IPO8: variants seen among roughly 807,000 people sequenced by gnomAD.
The protein encoded by IPO8 is importin-8.
Under a neutral mutation model 141.2 loss-of-function variants are expected in IPO8, and 65 were observed. The observed-to-expected ratio is 0.46, with a 90% CI of 0.38 to 0.57. IPO8 has a LOEUF of 0.57. IPO8 is among the 20% of genes least tolerant of loss of function. The pLI, the probability that IPO8 is intolerant of heterozygous loss-of-function variation, is 0.00. For synonymous variants in IPO8, 411 were observed against 420.3 expected, an observed-to-expected ratio of 0.98 and a Z score of 0.27; for missense variants, 980 against 1,246.8, an observed-to-expected ratio of 0.79 and a Z score of 3.22.
At chr12:30,631,806 A>G in intron 24 of IPO8, 89 bp downstream of exon 24, 2 of 735,660 alleles carry the variant, frequency 2.7e-6, no homozygotes, top group Non-Finnish European at 4.7e-6. Flanking sequence ...TTTCAAAAAC[A>G]GTGTTTAGGT....
intron 22 of IPO8, among the ~76,000 whole-genome samples, chr12:30,634,679 T>C (rs2052477688): frequency 1.3e-5 from 2 of 152,160 alleles, no homozygotes; most frequent in South Asian, 4.1e-4. Context: ...GGTCAGTGCA[T>C]GTGTTTTAAA....
At chr12:30,631,367 G>A (rs944664716) in intron 24 of IPO8, among the ~76,000 whole-genome samples, 2 of 152,090 alleles carry the variant, frequency 1.3e-5, no homozygotes, top group Admixed American at 1.3e-4. Flanking sequence ...AAATTTTTTT[G>A]TAACTACAAA....
chr12:30,686,385 T>G (rs2053242774), intron 2 of IPO8: 1 of 152,284 alleles, frequency 6.6e-6, no homozygotes, highest in Non-Finnish European at 1.5e-5. Context: ...TCTCACTCTA[T>G]CGCCCAGGCT....
In IPO8 at chr12:30,656,752, T is replaced by A; in HGVS notation, c.1882-2A>T. ...GATATTCTCTAACTGCTGGGTAATC[T>A]AAAGATAAATGTTAAATATTAAGCT... On this transcript the variant is annotated splice_acceptor_variant, in intron 16 of 24. Coordinates refer to ENST00000256079, the MANE Select transcript of IPO8 (RefSeq NM_006390.4). LOFTEE classifies it high-confidence loss of function. 1 of 1,437,964 alleles carries A rather than the reference T, an allele frequency of 7.0e-7. No homozygotes were observed. The highest frequency in any genetic ancestry group is 9.5e-7 in the Non-Finnish European group (1 of 1,047,372). 89.1% of individuals were successfully genotyped at this position (1,437,964 alleles called of 1,614,324 possible).
intron 13 of IPO8, among the ~76,000 whole-genome samples, chr12:30,664,825 C>T (rs143755287): frequency 0.059 from 8,967 of 152,162 alleles, 350 homozygotes; most frequent in Middle Eastern, 0.12. Context: ...CCGCAACCTC[C>T]GCCTCCCGGG....
intron 22 of IPO8, 99 bp downstream of exon 22, chr12:30,636,883 G>A: frequency 9.9e-7 from 1 of 1,008,552 alleles, no homozygotes; most frequent in Non-Finnish European, 1.5e-6. Flanking sequence ...GCCGAAGAAT[G>A]TAAATCTGTT....
Position 30,681,046 on chromosome 12 carries a change from TA to T in IPO8, c.483-409del, listed in dbSNP as rs1196661578. 2.0e-5 allele frequency among the ~76,000 whole-genome samples: 3 copies of T among 152,308 alleles called. No individual in the cohort carries two copies. In the East Asian group the frequency reaches 5.8e-4, roughly 29 times the overall value. Reference sequence around the variant, plus strand: ...TATATTTCTCCCTGAATTGAGTAGTTAAAATAGTTTAAAATTTAGGTGCTCT... The same window carrying T: ...TATATTTCTCCCTGAATTGAGTAGTTAAATAGTTTAAAATTTAGGTGCTCT... On this transcript the variant is annotated intron_variant, in intron 4 of 24. Transcript: ENST00000256079.
chr12:30,687,787 C>A (rs777055458), intron 2 of IPO8, among the ~76,000 whole-genome samples: 1 of 152,072 alleles, frequency 6.6e-6, no homozygotes, highest in Non-Finnish European at 1.5e-5. Flanking sequence ...GCAATGCTGA[C>A]GTCAATCTTA....
intron 17 of IPO8, among the ~76,000 whole-genome samples, chr12:30,654,371 CA>C (rs1196565642): frequency 2.0e-5 from 3 of 150,262 alleles, no homozygotes; most frequent in Non-Finnish European, 4.4e-5. Flanking sequence ...CAAAAACAGA[CA>C]AAATAGGATT....
rs1379220019 is a variant in IPO8, at chr12:30,637,017, C to G, written c.2660G>C (p.Arg887Pro). ...CATATCAGCTTTCTCTGCTTTTGAA[C>G]GATCTTCCCGGTTTACCAGTTGTCT... ...ATRQLVNRED[R>P]SKAEKADMEE... The change falls in exon 22 of 25, where the codon CGT (arginine) becomes CCT (proline). Residue 887 changes from arginine to proline, a missense_variant. Arg to Pro is a moderately radical substitution (Grantham distance 103, BLOSUM62 -2). Coordinates refer to ENST00000256079, the MANE Select transcript of IPO8 (RefSeq NM_006390.4). 1.2e-6 allele frequency: 2 copies of G among 1,614,010 alleles called. No individual in the cohort carries two copies. The highest frequency in any genetic ancestry group is 2.7e-5 in the African/African-American group (2 of 75,036).
chr12:30,644,220 G>C (rs1275822126), intron 20 of IPO8, among the ~76,000 whole-genome samples: 1 of 151,856 alleles, frequency 6.6e-6, no homozygotes, highest in Non-Finnish European at 1.5e-5. Context: ...ATTTGAAAAT[G>C]AGCTGGGCAT....
chr12:30,634,020 G>T, intron 23 of IPO8, 63 bp downstream of exon 23: 2 of 1,444,580 alleles, frequency 1.4e-6, no homozygotes, highest in Non-Finnish European at 1.9e-6. Context: ...ATCAAAACAG[G>T]AAGAAATGAA....
intron 10 of IPO8, among the ~76,000 whole-genome samples, chr12:30,668,581 C>T (rs1180738616): frequency 6.6e-6 from 1 of 152,142 alleles, no homozygotes; most frequent in Non-Finnish European, 1.5e-5. Context: ...GATAGGTATG[C>T]AAATTAATAT....
rs1280472546 is a variant in IPO8, at chr12:30,661,196, A to G, written c.1826T>C (p.Met609Thr). The change falls in exon 16 of 25, where the codon ATG (methionine) becomes ACG (threonine). Residue 609 changes from methionine (M) to threonine (T), a missense_variant. Transcript: ENST00000256079. Reference protein sequence around the residue: ...EEVEDKTVMAMGILHTIDTIL... With the variant: ...EEVEDKTVMATGILHTIDTIL... Reference sequence around the variant, plus strand: ...AGTATCAATGGTATGTAAAATTCCCATAGCCATTACTGTTTTGTCTTCAAC... The same window carrying G: ...AGTATCAATGGTATGTAAAATTCCCGTAGCCATTACTGTTTTGTCTTCAAC... 3 of 1,594,734 alleles carry G rather than the reference A, an allele frequency of 1.9e-6. No homozygotes were observed. The highest frequency in any genetic ancestry group is 2.6e-6 in the Non-Finnish European group (3 of 1,170,000).
chr12:30,690,745 A>G (rs1435352273), intron 1 of IPO8, among the ~76,000 whole-genome samples, 168 bp from the exon 2 acceptor site: 1 of 152,188 alleles, frequency 6.6e-6, no homozygotes, highest in East Asian at 1.9e-4. Context: ...AAGTCAAAAA[A>G]ATTTCCTGAG....
intron 20 of IPO8, 81 bp downstream of exon 20, chr12:30,649,056 C>T: frequency 1.1e-6 from 1 of 897,840 alleles, no homozygotes; most frequent in Non-Finnish European, 1.8e-6. Context: ...CATTTTTCAT[C>T]ATAATATAAA....
intron 19 of IPO8, among the ~76,000 whole-genome samples, chr12:30,650,842 C>T (rs1252348204): frequency 6.6e-6 from 1 of 152,036 alleles, no homozygotes; most frequent in Admixed American, 6.6e-5. Context: ...GCAACTATTT[C>T]CTAACCTCAG....
At chr12:30,683,969 G>A (rs773412021) in intron 3 of IPO8, among the ~76,000 whole-genome samples, 106 of 152,096 alleles carry the variant, frequency 7.0e-4, no homozygotes, top group Non-Finnish European at 1.3e-4. Context: ...AGAAAAGCAG[G>A]TAGTAAAAAA....
At chr12:30,646,533 CT>C (rs2052648768) in intron 20 of IPO8, among the ~76,000 whole-genome samples, 1 of 152,120 alleles carries the variant, frequency 6.6e-6, no homozygotes, top group Non-Finnish European at 1.5e-5. Flanking sequence ...GGCACCCAAA[CT>C]GGAAAGGTAA....
Sources: gnomAD v4.1 joint callset for allele counts (sites outside exome capture counted in the v4.1 genomes callset) on GRCh38, gnomAD v4.1.1 for gene constraint, MANE v1.5 for transcripts, NCBI Gene and HGNC (gene_info 2026-07-23, HGNC 2026-07-21) for gene names.